The following BRD9 variants were observed in gnomAD, a reference collection of about 807,000 sequenced individuals.
BRD9 encodes bromodomain containing 9.
In BRD9, 47 loss-of-function variants were observed where a neutral mutation model predicts 68.7. That is an observed-to-expected ratio of 0.68 (90% CI 0.54 to 0.87). BRD9 has a LOEUF of 0.87. BRD9 is among the 40% of genes least tolerant of loss of function. BRD9 has a pLI of 0.00. For synonymous variants in BRD9, 313 were observed against 293.9 expected (o/e 1.06, Z -0.67); for missense variants, 670 against 748.4 (o/e 0.90, Z 1.22).
chr5:883,696 G>T, intron 8 of BRD9: 1 of 577,552 alleles, frequency 1.7e-6, no homozygotes, highest in South Asian at 2.1e-5. Flanking sequence ...AGGAAATGAG[G>T]TCAGTGACCA....
chr5:886,200 C>G (rs781766711), intron 7 of BRD9, among the ~76,000 whole-genome samples: 2 of 152,258 alleles, frequency 1.3e-5, no homozygotes, highest in East Asian at 3.8e-4. Context: ...CAAAGAAGCC[C>G]CCTGCCAATG....
intron 12 of BRD9, among the ~76,000 whole-genome samples, chr5:875,607 A>G (rs1750791240): frequency 6.6e-6 from 1 of 152,202 alleles, no homozygotes; most frequent in African/African-American, 2.4e-5. Flanking sequence ...TCGGCCTCCC[A>G]AAGTGCTGGG....
intron 14 of BRD9, 110 bp from the exon 15 acceptor site, chr5:865,691 T>C (rs748877540): frequency 6.5e-6 from 8 of 1,238,246 alleles, no homozygotes; most frequent in South Asian, 4.5e-5. Flanking sequence ...AGGACAATAA[T>C]TGCTCTGGAA....
chr5:867,273 G>A (rs1206864195), intron 14 of BRD9, among the ~76,000 whole-genome samples: 2 of 152,242 alleles, frequency 1.3e-5, no homozygotes, highest in Non-Finnish European at 2.9e-5. Context: ...GAAAAGCCAG[G>A]GTGTCCAGGC....
At position 865,514 on chromosome 5, in the gene BRD9, C is replaced by T. The variant is rs771967215; in HGVS notation, c.1593G>A (p.Leu531=). Residue 531 remains leucine (L), a synonymous_variant, in exon 15 of 16, where the codon CTG becomes CTA. Transcript: ENST00000467963. ...HLNLDETTKL[L]QDLHEAQAER... is the part of the protein sequence containing the mutation. ...CCGCCTGTGCTTCGTGCAGGTCCTG[C>T]AGGAGCTTCGTCGTCTCATCCAAGT... 7 of 1,607,950 alleles carry T rather than the reference C, an allele frequency of 4.4e-6. No homozygotes were observed. The highest frequency in any genetic ancestry group is 5.9e-6 in the Non-Finnish European group (7 of 1,179,206).
chr5:889,553 C>A (rs528422221), intron 4 of BRD9, 34 bp downstream of exon 4: 17 of 1,610,366 alleles, frequency 1.1e-5, no homozygotes, highest in Non-Finnish European at 1.4e-5. Flanking sequence ...CACACCCCCC[C>A]AGACACTAGC....
intron 8 of BRD9, 114 bp downstream of exon 8, chr5:883,824 T>A: frequency 6.9e-7 from 1 of 1,449,962 alleles, no homozygotes; most frequent in Non-Finnish European, 9.3e-7. Flanking sequence ...GGCCCCACGC[T>A]GACCTCTGGA....
At chr5:884,235 T>G (rs989963853) in intron 7 of BRD9, among the ~76,000 whole-genome samples, 165 bp from the exon 8 acceptor site, 2 of 152,176 alleles carry the variant, frequency 1.3e-5, no homozygotes, top group African/African-American at 4.8e-5. Context: ...CTTTTCACCC[T>G]AACCAAATGA....
chr5:880,987 A>C (rs1751657526), intron 9 of BRD9, 120 bp downstream of exon 9: 1 of 1,012,196 alleles, frequency 9.9e-7, no homozygotes, highest in Admixed American at 2.2e-5. Context: ...AAGGTCGGGA[A>C]GCCGGGCAGC....
Position 891,294 on chromosome 5 carries a change from G to A in BRD9, c.268-7C>T. Reference sequence around the variant, plus strand: ...GCTTCCGCTTCTTCTCTTCCTGGGCGGCAGAGTCAAGGGAGTGAGAAAGGC... The same window carrying A: ...GCTTCCGCTTCTTCTCTTCCTGGGCAGCAGAGTCAAGGGAGTGAGAAAGGC... On this transcript the variant is annotated splice_region_variant and splice_polypyrimidine_tract_variant and intron_variant, in intron 2 of 15. Transcript: ENST00000467963. 3.9e-6 allele frequency: 6 copies of A among 1,550,754 alleles called. No homozygotes were observed. The highest frequency in any genetic ancestry group is 1.7e-4 in the Middle Eastern group (1 of 5,980).
At chr5:885,871 G>C (rs554783489) in intron 7 of BRD9, among the ~76,000 whole-genome samples, 1 of 152,364 alleles carries the variant, frequency 6.6e-6, no homozygotes, top group East Asian at 1.9e-4. Context: ...CCTCACATAG[G>C]TGGAGGAGCG....
In BRD9 at chr5:878,455, A is replaced by G. The variant is rs1751316597; in HGVS notation, c.1171T>C (p.Ser391Pro). ...CCAAATACTGAATTATTCTGCATCG[A>G]AAGCGCAGTAGTGGCACTGGAGAGA... ...TFLSSATTAL[S>P]MQNNSVFGDL... Residue 391 changes from serine (S) to proline (P), a missense_variant, in exon 11 of 16, where the codon TCG (serine) becomes CCG (proline). Coordinates refer to ENST00000467963, the MANE Select transcript of BRD9 (RefSeq NM_023924.5). 1.2e-6 allele frequency: 2 copies of G among 1,614,282 alleles called. No individual in the cohort carries two copies. Among genetic ancestry groups the G allele is most frequent in the Non-Finnish European group, 1.7e-6 (2 of 1,180,054 alleles).
intron 13 of BRD9, 123 bp downstream of exon 13, chr5:871,403 G>T: frequency 1.2e-6 from 1 of 857,170 alleles, no homozygotes; most frequent in Non-Finnish European, 2.0e-6. Flanking sequence ...TGATCTTACT[G>T]ATCAGAAACG....
At chr5:881,404 C>CTT (rs1751734350) in intron 8 of BRD9, 2 of 589,316 alleles carry the variant, frequency 3.4e-6, no homozygotes, top group African/African-American at 3.7e-5. Context: ...CATGGCCCTG[C>CTT]TATAGGGGGT....
At chr5:889,559 C>A (rs568011582) in intron 4 of BRD9, 28 bp downstream of exon 4, 2 of 1,612,290 alleles carry the variant, frequency 1.2e-6, no homozygotes, top group African/African-American at 2.7e-5. Flanking sequence ...CCCCCAGACA[C>A]TAGCTCTTCA....
In BRD9 at chr5:889,613, C is replaced by T. The variant is rs1432374106; in HGVS notation, c.435G>A (p.Leu145=). ...ENESTPIQQL[L]EHFLRQLQRK... The stretch of plus-strand genomic sequence containing the variant: ...TCTGAAGCTGGCGGAGGAAGTGTTC[C>T]AGGAGTTGCTGAATAGGTGTGCTCT... The change falls in exon 4 of 16, where the codon CTG becomes CTA. Residue 145 remains leucine (L), a synonymous_variant. Transcript: ENST00000467963. 33 of 1,613,484 alleles carry T rather than the reference C, an allele frequency of 2.0e-5. No individual in the cohort carries two copies. In the East Asian group the frequency reaches 6.9e-4, roughly 34 times the overall value.
chr5:876,329 C>T, intron 11 of BRD9, 117 bp from the exon 12 acceptor site: 1 of 681,488 alleles, frequency 1.5e-6, no homozygotes. Context: ...CCGTGACCCT[C>T]CCAGAGCGGG....
At chr5:864,622 G>A (rs548363568) in intron 15 of BRD9, 54 bp from the exon 16 acceptor site, 64 of 1,510,834 alleles carry the variant, frequency 4.2e-5, no homozygotes, top group South Asian at 2.9e-4. Flanking sequence ...CGCAGCACAC[G>A]TGGGGCTCCT....
intron 14 of BRD9, chr5:869,522 T>C (rs1749833994): frequency 2.8e-6 from 1 of 360,446 alleles, no homozygotes; most frequent in Admixed American, 3.7e-5. Flanking sequence ...TCCAAGTCTC[T>C]TCCTGACCCA....
Sources: allele counts gnomAD v4.1 joint callset (sites outside exome capture counted in the v4.1 genomes callset), GRCh38; gene constraint gnomAD v4.1.1; transcripts MANE v1.5; gene names NCBI Gene and HGNC (gene_info 2026-07-23, HGNC 2026-07-21).